NCK1: variants seen among roughly 807,000 people sequenced by gnomAD.
The protein encoded by NCK1 is NCK adaptor protein 1.
A neutral mutation model predicts 36.6 loss-of-function variants in NCK1; 19 were observed. The ratio of observed to expected loss-of-function variants is 0.52; its 90% CI spans 0.36 to 0.76. The LOEUF (loss-of-function observed/expected upper bound fraction) is 0.76. NCK1 is among the 30% of genes least tolerant of loss of function. The pLI is 0.00. For synonymous variants in NCK1, 165 were observed against 156.0 expected, an observed-to-expected ratio of 1.06 and a Z score of -0.43; for missense variants, 358 against 445.6, an observed-to-expected ratio of 0.80 and a Z score of 1.77.
Position 136,950,146 on chromosome 3 carries a change from ATTG to A in NCK1, c.*1698_*1700del, listed in dbSNP as rs1940934927. On this transcript the variant is annotated 3_prime_UTR_variant, in exon 4 of 4. Coordinates refer to ENST00000481752, the MANE Select transcript of NCK1 (RefSeq NM_001291999.2). ...GAATATAAATTGAGGAAAACTTTAA[ATTG>A]TTGTAGGATGACTAGTAGTAAACAT... is the stretch of plus-strand genomic sequence containing the variant. Among the ~76,000 whole-genome samples the A allele has an allele frequency of 6.6e-6, 1 of 152,254 alleles. No individual in the cohort carries two copies. Among genetic ancestry groups the A allele is most frequent in the South Asian group, 2.1e-4 (1 of 4,826 alleles).
At chr3:136,920,968 A>C (rs554905300) in intron 1 of NCK1, among the ~76,000 whole-genome samples, 111 of 152,338 alleles carry the variant, frequency 7.3e-4, no homozygotes, top group Admixed American at 7.2e-4. Context: ...AAAAATTCAC[A>C]CATTGAAGTC....
rs918278790 is a variant in NCK1, at chr3:136,899,963, T to C, written c.-18-28021T>C. The C allele has an allele frequency of 5.0e-5, 37 of 737,312 alleles. No homozygotes were observed. The African/African-American group carries it at 5.8e-4, about 12-fold the overall frequency. The allele number at this position is 737,312 out of a possible 1,614,324, so 45.7% of individuals were successfully genotyped here. ...GTTTATCTTGTTTTAACTCCTTTGATGTTCTGGATTGCTTGTTTAAAGGTA... is the reference window on the plus strand; with the variant it reads ...GTTTATCTTGTTTTAACTCCTTTGACGTTCTGGATTGCTTGTTTAAAGGTA... On this transcript the variant is annotated intron_variant, in intron 1 of 3. Coordinates refer to ENST00000481752, the MANE Select transcript of NCK1 (RefSeq NM_001291999.2).
At chr3:136,916,743 A>G (rs1939974123) in intron 1 of NCK1, among the ~76,000 whole-genome samples, 2 of 152,154 alleles carry the variant, frequency 1.3e-5, no homozygotes, top group South Asian at 4.1e-4. Flanking sequence ...CTTAGAAAAT[A>G]AAACAGTTTG....
intron 1 of NCK1, among the ~76,000 whole-genome samples, chr3:136,895,214 T>G (rs1939359705): frequency 6.6e-6 from 1 of 152,150 alleles, no homozygotes; most frequent in Non-Finnish European, 1.5e-5. Context: ...ATAAACAGTT[T>G]TCACTTTAAC....
chr3:136,865,363 G>C (rs1227915544), intron 1 of NCK1, among the ~76,000 whole-genome samples: 2 of 152,174 alleles, frequency 1.3e-5, no homozygotes, highest in African/African-American at 4.8e-5. Context: ...GAGATTACAG[G>C]TGTGCGCCAC....
intron 1 of NCK1, among the ~76,000 whole-genome samples, chr3:136,898,015 A>G (rs112861326): frequency 6.6e-6 from 1 of 152,218 alleles, no homozygotes; most frequent in African/African-American, 2.4e-5. Flanking sequence ...ATTTGAAGAA[A>G]CAGCTTTCCC....
intron 1 of NCK1, among the ~76,000 whole-genome samples, chr3:136,908,585 CAAG>C (rs1473062152): frequency 6.6e-6 from 1 of 152,116 alleles, no homozygotes; most frequent in Non-Finnish European, 1.5e-5. Flanking sequence ...CTGAGTAAAA[CAAG>C]AAACAGGGAT....
intron 1 of NCK1, among the ~76,000 whole-genome samples, chr3:136,876,549 G>GTA (rs1048626932): frequency 1.6e-4 from 25 of 152,032 alleles, no homozygotes; most frequent in African/African-American, 5.8e-4. Context: ...CCGTGTCAGT[G>GTA]TATATATAAA....
chr3:136,889,254 G>T, intron 1 of NCK1: 1 of 176,418 alleles, frequency 5.7e-6, no homozygotes, highest in South Asian at 1.8e-4. Flanking sequence ...TGGAATTGGT[G>T]GGTTCTTGGT....
chr3:136,931,744 G>A (rs1940396243), intron 2 of NCK1, among the ~76,000 whole-genome samples: 1 of 152,132 alleles, frequency 6.6e-6, no homozygotes, highest in Admixed American at 6.5e-5. Flanking sequence ...TATGATGATT[G>A]TTATTAATAA....
rs115994441 is a variant in NCK1, at chr3:136,863,817, G to A, written c.-19+1464G>A. ...GTGTAATGTTTTGTTCGATACTGAG[G>A]GAGTCCAGGCGGGGTAGCTCAAACC... On this transcript the variant is annotated intron_variant, in intron 1 of 3. Coordinates refer to ENST00000481752, the MANE Select transcript of NCK1 (RefSeq NM_001291999.2). Among the ~76,000 whole-genome samples, 265 of 151,892 alleles carry A rather than the reference G, an allele frequency of 1.7e-3. 1 individual carries two copies. Among genetic ancestry groups the A allele is most frequent in the African/African-American group, 6.0e-3 (250 of 41,442 alleles).
rs142883729 is a variant in NCK1, at chr3:136,893,147, AGTGTGTGTGTGT to A, written c.-19+30815_-19+30826del. ...TTTTTATGGCTAAGTAATATTCCAT[AGTGTGTGTGTGT>A]GTGTGTGTGTGTGTGTGTGTATATA... On this transcript the variant is annotated intron_variant, in intron 1 of 3. Coordinates refer to ENST00000481752, the MANE Select transcript of NCK1 (RefSeq NM_001291999.2). Among the ~76,000 whole-genome samples, 6 of 41,890 alleles carry A rather than the reference AGTGTGTGTGTGT, an allele frequency of 1.4e-4. 1 individual carries two copies. Among genetic ancestry groups the A allele is most frequent in the African/African-American group, 4.8e-4 (6 of 12,528 alleles). 27.5% of individuals were successfully genotyped at this position (41,890 alleles called of 152,430 possible). A position where few individuals can be genotyped will look rare whatever the true frequency, so the allele number is the denominator to read the frequency against.
intron 1 of NCK1, among the ~76,000 whole-genome samples, chr3:136,886,001 C>A (rs1939064928): frequency 6.6e-6 from 1 of 152,126 alleles, no homozygotes; most frequent in Admixed American, 6.5e-5. Flanking sequence ...TTCATCTGTT[C>A]TAAACCACAT....
intron 1 of NCK1, among the ~76,000 whole-genome samples, chr3:136,902,062 A>G (rs1030241426): frequency 6.6e-6 from 1 of 151,236 alleles, no homozygotes; most frequent in Admixed American, 6.6e-5. Flanking sequence ...TTAGATTTTC[A>G]TTTGTTTCAA....
chr3:136,903,182 T>G (rs936656850), intron 1 of NCK1, among the ~76,000 whole-genome samples: 1 of 152,214 alleles, frequency 6.6e-6, no homozygotes, highest in South Asian at 2.1e-4. Flanking sequence ...CCTGAATTTT[T>G]CCCTTTACCA....
chr3:136,899,666 C>T (rs1369902460), intron 1 of NCK1: 4 of 733,468 alleles, frequency 5.5e-6, no homozygotes, highest in Non-Finnish European at 5.1e-6. Flanking sequence ...TAATCTTATC[C>T]AAATCTAAAT....
At chr3:136,865,838 C>T (rs978769742) in intron 1 of NCK1, among the ~76,000 whole-genome samples, 6 of 152,188 alleles carry the variant, frequency 3.9e-5, no homozygotes, top group Non-Finnish European at 5.9e-5. Context: ...ATAGTCTTCC[C>T]TTCAAAACTG....
chr3:136,864,059 C>T (rs549272540), intron 1 of NCK1, among the ~76,000 whole-genome samples: 83 of 151,306 alleles, frequency 5.5e-4, no homozygotes, highest in African/African-American at 1.8e-3. Flanking sequence ...CGAGATCGCG[C>T]CACTGCACTC....
At chr3:136,902,476 C>T (rs577221624) in intron 1 of NCK1, among the ~76,000 whole-genome samples, 23 of 152,118 alleles carry the variant, frequency 1.5e-4, no homozygotes, top group Non-Finnish European at 2.5e-4. Context: ...ATTACAGGCG[C>T]GAGCTATCCC....
Sources: allele counts gnomAD v4.1 joint callset (sites outside exome capture counted in the v4.1 genomes callset), GRCh38; gene constraint gnomAD v4.1.1; transcripts MANE v1.5; gene names NCBI Gene and HGNC (gene_info 2026-07-23, HGNC 2026-07-21).